TMEM38B: variants seen among roughly 807,000 people sequenced by gnomAD.
The protein encoded by TMEM38B is transmembrane protein 38B.
TMEM38B carries 24 observed loss-of-function variants against 28.7 expected under a neutral mutation model. The ratio of observed to expected loss-of-function variants is 0.84; its 90% CI spans 0.61 to 1.18. TMEM38B has a LOEUF of 1.18. TMEM38B is among the 50% of genes most tolerant of loss of function. The pLI is 0.00. For missense variants in TMEM38B, 380 were observed against 350.9 expected, an observed-to-expected ratio of 1.08 and a Z score of -0.66; for synonymous variants, 131 against 127.7, an observed-to-expected ratio of 1.03 and a Z score of -0.17.
rs199731690 is a variant in TMEM38B, at chr9:105,722,555, C to T, written c.476C>T (p.Thr159Met). Residue 159 changes from threonine (T) to methionine (M), a missense_variant, in exon 4 of 6, where the codon ACG becomes ATG. Physicochemically the swap from Thr to Met is moderately conservative, Grantham distance 81. Transcript: ENST00000374692. ...WARGAGGTII[T>M]NFERLVKGDW... ...TTAGGTGCAGGTGGTACCATTATAA[C>T]GAATTTTGAGAGGTTGGTAAAAGGA... 72 of 1,613,414 alleles carry T rather than the reference C, an allele frequency of 4.5e-5. No homozygotes were observed. The highest frequency in any genetic ancestry group is 1.1e-4 in the South Asian group (10 of 91,040).
At chr9:105,716,512 A>G (rs920017099) in intron 2 of TMEM38B, among the ~76,000 whole-genome samples, 4 of 152,110 alleles carry the variant, frequency 2.6e-5, no homozygotes, top group Admixed American at 6.5e-5. Context: ...CAAGTAGTAC[A>G]GTGTTGTGGG....
chr9:105,748,014 G>A, intron 4 of TMEM38B, 59 bp from the exon 5 acceptor site: 3 of 1,184,672 alleles, frequency 2.5e-6, no homozygotes, highest in Non-Finnish European at 3.8e-6. Context: ...CACTCTTTGA[G>A]AAAGTTAGAG....
chr9:105,756,830 A>C (rs1185129418), intron 5 of TMEM38B, among the ~76,000 whole-genome samples: 1 of 152,206 alleles, frequency 6.6e-6, no homozygotes, highest in African/African-American at 2.4e-5. Flanking sequence ...TTCATTTTTA[A>C]CTAATTCATT....
chr9:105,760,572 C>A, intron 5 of TMEM38B: 1 of 744,212 alleles, frequency 1.3e-6, no homozygotes, highest in East Asian at 2.4e-5. Flanking sequence ...TTATTAAAAA[C>A]AAGAGTTTAC....
intron 2 of TMEM38B, among the ~76,000 whole-genome samples, chr9:105,716,546 C>T (rs1286746729): frequency 1.3e-5 from 2 of 150,506 alleles, no homozygotes; most frequent in Non-Finnish European, 2.9e-5. Context: ...TCTCTACCCA[C>T]TTGCATTTTG....
chr9:105,699,036 A>C (rs914418920), intron 1 of TMEM38B, among the ~76,000 whole-genome samples: 1 of 152,100 alleles, frequency 6.6e-6, no homozygotes, highest in Non-Finnish European at 1.5e-5. Context: ...TATCTATTTC[A>C]CTTGAATCTT....
At chr9:105,743,850 T>C (rs1837293284) in intron 4 of TMEM38B, among the ~76,000 whole-genome samples, 2 of 152,178 alleles carry the variant, frequency 1.3e-5, no homozygotes, top group South Asian at 4.1e-4. Flanking sequence ...TAATTCCAAA[T>C]CATGCTATAC....
intron 4 of TMEM38B, among the ~76,000 whole-genome samples, chr9:105,730,942 T>A (rs1042398143): frequency 1.3e-5 from 2 of 152,176 alleles, no homozygotes; most frequent in African/African-American, 2.4e-5. Flanking sequence ...TGCGTCTATT[T>A]GATTCTTCTC....
chr9:105,715,093 T>C (rs1444641927), intron 2 of TMEM38B, among the ~76,000 whole-genome samples: 1 of 152,210 alleles, frequency 6.6e-6, no homozygotes, highest in Non-Finnish European at 1.5e-5. Flanking sequence ...ATTCTAACAT[T>C]ACTGATTTTT....
chr9:105,697,545 G>T (rs1266001860), intron 1 of TMEM38B, among the ~76,000 whole-genome samples: 2 of 151,860 alleles, frequency 1.3e-5, no homozygotes, highest in African/African-American at 4.8e-5. Context: ...GCCTCTTATT[G>T]GTCATTTGTA....
At chr9:105,763,317 A>G (rs1272767590) in intron 5 of TMEM38B, among the ~76,000 whole-genome samples, 3 of 152,070 alleles carry the variant, frequency 2.0e-5, no homozygotes, top group Non-Finnish European at 4.4e-5. Context: ...GGTGTTTTAG[A>G]CATGAAGTCC....
Position 105,774,352 on chromosome 9 carries a change from A to AT in TMEM38B, c.*278dup. 4.3e-6 allele frequency: 1 copy of AT among 231,602 alleles called. No individual in the cohort carries two copies. The highest frequency in any genetic ancestry group is 8.3e-6 in the Non-Finnish European group (1 of 120,704). The allele number at this position is 231,602 out of a possible 1,614,324, so 14.3% of individuals were successfully genotyped here. ...TTTTATATTAATAAAAGAAGACAAA[A>AT]TTTTTTAAATGTTAGAAAAAGCAGA... On this transcript the variant is annotated 3_prime_UTR_variant, in exon 6 of 6. Transcript: ENST00000374692.
In TMEM38B at chr9:105,694,704, C is replaced by T. The variant is rs1372916331; in HGVS notation, c.44C>T (p.Thr15Met). ...GAGTTGGCTCTGGCCTTCTCCCGCA[C>T]GTCCATGTTTCCCTTTTTTGACATC... ...WDELALAFSR[T>M]SMFPFFDIAH... The change falls in exon 1 of 6, where the codon ACG (threonine) becomes ATG (methionine). Residue 15 changes from threonine (T) to methionine (M), a missense_variant. By Grantham distance (81) the Thr-to-Met change is moderately conservative. Coordinates refer to ENST00000374692, the MANE Select transcript of TMEM38B (RefSeq NM_018112.3). The T allele has an allele frequency of 6.2e-7, 1 of 1,614,040 alleles. No homozygotes were observed. The highest frequency in any genetic ancestry group is 8.5e-7 in the Non-Finnish European group (1 of 1,179,924).
chr9:105,773,965 G>C lies in TMEM38B; in HGVS notation c.761G>C (p.Cys254Ser), dbSNP rs35232724. The change falls in exon 6 of 6, where the codon TGT becomes TCT. Residue 254 changes from cysteine (C) to serine (S), a missense_variant. Physicochemically the swap from Cys to Ser is moderately radical, Grantham distance 112. Coordinates refer to ENST00000374692, the MANE Select transcript of TMEM38B (RefSeq NM_018112.3). ...LFGWQQPFSS[C>S]EKKSEAKSPS... ...GGCTGGCAGCAGCCGTTTTCATCAT[G>C]TGAGAAGAAAAGTGAAGCAAAGTCA... is the stretch of plus-strand genomic sequence containing the variant. 21,149 of 1,613,754 alleles carry C rather than the reference G, an allele frequency of 0.013. 506 individuals are homozygous for C. The highest frequency in any genetic ancestry group is 0.11 in the African/African-American group (7,902 of 75,016).
intron 2 of TMEM38B, chr9:105,710,807 C>A (rs1835873035): frequency 2.3e-6 from 1 of 438,428 alleles, no homozygotes; most frequent in Non-Finnish European, 4.4e-6. Context: ...CCACTGGGTG[C>A]ACTAACGGGC....
intron 3 of TMEM38B, 40 bp downstream of exon 3, chr9:105,721,761 G>T: frequency 1.4e-6 from 2 of 1,470,046 alleles, no homozygotes; most frequent in South Asian, 1.3e-5. Context: ...TTCTGTTGTT[G>T]GTGTATTATT....
intron 4 of TMEM38B, among the ~76,000 whole-genome samples, chr9:105,747,595 T>G (rs894932732): frequency 2.0e-5 from 3 of 152,200 alleles, no homozygotes; most frequent in South Asian, 2.1e-4. Context: ...GCTTTGATCT[T>G]AGTTATTTCT....
At chr9:105,722,111 A>G (rs9299110) in intron 3 of TMEM38B, among the ~76,000 whole-genome samples, 67,341 of 152,034 alleles carry the variant, frequency 0.44, 17,543 homozygotes, top group African/African-American at 0.72. Flanking sequence ...ACTAGAAATA[A>G]TAAATATGAT....
At chr9:105,726,567 T>C (rs1014149439) in intron 4 of TMEM38B, among the ~76,000 whole-genome samples, 5 of 152,098 alleles carry the variant, frequency 3.3e-5, no homozygotes, top group Admixed American at 6.6e-5. Context: ...ATAATAACAG[T>C]GCCTTCTTCT....
Sources: allele counts gnomAD v4.1 joint callset (sites outside exome capture counted in the v4.1 genomes callset), GRCh38; gene constraint gnomAD v4.1.1; transcripts MANE v1.5; gene names NCBI Gene and HGNC (gene_info 2026-07-23, HGNC 2026-07-21).